UNC5D: variants seen among roughly 807,000 people sequenced by gnomAD.
UNC5D encodes the protein unc-5 netrin receptor D.
In UNC5D, 39 loss-of-function variants were observed where a neutral mutation model predicts 105.4. The ratio of observed to expected loss-of-function variants is 0.37; its 90% CI spans 0.29 to 0.48. The LOEUF is 0.48. UNC5D is among the 20% of genes least tolerant of loss of function. The probability of loss-of-function intolerance (pLI) is 0.98; values close to 1 mark genes in which losing one functional copy is unlikely to be tolerated. For missense variants in UNC5D, 991 were observed against 1,202.4 expected, an observed-to-expected ratio of 0.82 and a Z score of 2.60; for synonymous variants, 452 against 450.4, an observed-to-expected ratio of 1.00 and a Z score of -0.04.
intron 7 of UNC5D, among the ~76,000 whole-genome samples, chr8:35,688,056 C>T (rs1002623307): frequency 2.6e-5 from 4 of 151,670 alleles, no homozygotes; most frequent in South Asian, 4.2e-4. Flanking sequence ...GGCGTGAACC[C>T]GGGAGGCGGA....
intron 1 of UNC5D, among the ~76,000 whole-genome samples, chr8:35,259,882 A>G (rs1049730013): frequency 6.6e-6 from 1 of 152,070 alleles, no homozygotes; most frequent in Non-Finnish European, 1.5e-5. Flanking sequence ...ACATTTGGAA[A>G]GTGAAACTGT....
chr8:35,631,292 C>A (rs1239801752), intron 4 of UNC5D, among the ~76,000 whole-genome samples: 4 of 144,440 alleles, frequency 2.8e-5, no homozygotes. Flanking sequence ...CCAGCCTGGG[C>A]AACAGAGTGA....
chr8:35,368,215 T>G (rs10091590), intron 1 of UNC5D, among the ~76,000 whole-genome samples: 8,232 of 152,270 alleles, frequency 0.054, 268 homozygotes, highest in African/African-American at 0.092. Context: ...TTGAAAAATT[T>G]CAAACCTGTA....
intron 1 of UNC5D, among the ~76,000 whole-genome samples, chr8:35,488,340 A>G (rs1011686158): frequency 1.3e-5 from 2 of 152,196 alleles, no homozygotes; most frequent in African/African-American, 2.4e-5. Context: ...GGATGGGACA[A>G]TAGAGCTGTC....
intron 10 of UNC5D, among the ~76,000 whole-genome samples, 159 bp from the exon 11 acceptor site, chr8:35,730,853 C>T (rs916361579): frequency 6.6e-6 from 1 of 151,698 alleles, no homozygotes; most frequent in Admixed American, 6.6e-5. Flanking sequence ...AATGTTTTTC[C>T]TGTTATAATC....
chr8:35,262,286 G>T (rs909615827), intron 1 of UNC5D, among the ~76,000 whole-genome samples: 8 of 152,160 alleles, frequency 5.3e-5, no homozygotes, highest in African/African-American at 1.9e-4. Context: ...TCTGTTTCCA[G>T]TTAGCATGTA....
chr8:35,238,270 T>C (rs1292531803), intron 1 of UNC5D, among the ~76,000 whole-genome samples: 1 of 152,142 alleles, frequency 6.6e-6, no homozygotes, highest in Non-Finnish European at 1.5e-5. Flanking sequence ...TCCATACTTA[T>C]GTAGAAACCT....
chr8:35,588,867 C>T (rs1223169977), intron 3 of UNC5D, among the ~76,000 whole-genome samples: 1 of 152,076 alleles, frequency 6.6e-6, no homozygotes. Flanking sequence ...AAGGCAAAAC[C>T]CCGTCTCTAC....
At chr8:35,663,544 G>A (rs1442360194) in intron 4 of UNC5D, among the ~76,000 whole-genome samples, 3 of 152,184 alleles carry the variant, frequency 2.0e-5, no homozygotes, top group African/African-American at 7.2e-5. Context: ...CCATGTCTGA[G>A]AGTCTTTCTG....
chr8:35,597,902 C>G (rs919867546), intron 4 of UNC5D, among the ~76,000 whole-genome samples: 1 of 152,146 alleles, frequency 6.6e-6, no homozygotes, highest in African/African-American at 2.4e-5. Flanking sequence ...CAAGATTCAA[C>G]ATAATCTGGC....
Position 35,790,678 on chromosome 8 carries a change from C to A in UNC5D, c.*115C>A. 1 of 1,146,420 alleles carries A rather than the reference C, an allele frequency of 8.7e-7. No homozygotes were observed. The highest frequency in any genetic ancestry group is 1.3e-6 in the Non-Finnish European group (1 of 796,494). The allele number at this position is 1,146,420 out of a possible 1,614,324, so 71.0% of individuals were successfully genotyped here. A position where few individuals can be genotyped will look rare whatever the true frequency, so the allele number is the denominator to read the frequency against. On this transcript the variant is annotated 3_prime_UTR_variant, in exon 17 of 17. Coordinates refer to ENST00000404895, the MANE Select transcript of UNC5D (RefSeq NM_080872.4). ...GGGGAATTCAGCCTTCATTTATAATCAGTGAGATTCCCCTGTTGAAGAAAC... is the reference window on the plus strand; with the variant it reads ...GGGGAATTCAGCCTTCATTTATAATAAGTGAGATTCCCCTGTTGAAGAAAC...
chr8:35,705,229 G>T (rs981109118), intron 7 of UNC5D, among the ~76,000 whole-genome samples: 1 of 152,176 alleles, frequency 6.6e-6, no homozygotes, highest in Non-Finnish European at 1.5e-5. Flanking sequence ...CTCCCAAAGT[G>T]CTGGGATTAT....
chr8:35,317,418 C>T (rs1199229490), intron 1 of UNC5D, among the ~76,000 whole-genome samples: 3 of 152,076 alleles, frequency 2.0e-5, no homozygotes, highest in East Asian at 1.9e-4. Context: ...ATGGCTATTA[C>T]GAAAACATCT....
chr8:35,267,860 GT>G (rs1201519852), intron 1 of UNC5D, among the ~76,000 whole-genome samples: 4 of 152,064 alleles, frequency 2.6e-5, no homozygotes, highest in African/African-American at 9.7e-5. Flanking sequence ...ATTGTTCCAG[GT>G]TTGCTGACCT....
chr8:35,253,736 G>A (rs1276491041), intron 1 of UNC5D, among the ~76,000 whole-genome samples: 2 of 151,804 alleles, frequency 1.3e-5, no homozygotes, highest in East Asian at 1.9e-4. Flanking sequence ...TGATCCGCCC[G>A]CCTCGGCCTC....
At chr8:35,716,870 A>G (rs952982052) in intron 8 of UNC5D, among the ~76,000 whole-genome samples, 1 of 152,242 alleles carries the variant, frequency 6.6e-6, no homozygotes, top group African/African-American at 2.4e-5. Flanking sequence ...TGATGACAAC[A>G]TATATAAACA....
chr8:35,631,543 T>G (rs879764859), intron 4 of UNC5D, among the ~76,000 whole-genome samples: 1 of 152,204 alleles, frequency 6.6e-6, no homozygotes, highest in Non-Finnish European at 1.5e-5. Flanking sequence ...AAGCCTTATT[T>G]GTCTTTGTCA....
At chr8:35,572,224 G>A (rs1368965756) in intron 3 of UNC5D, among the ~76,000 whole-genome samples, 1 of 133,586 alleles carries the variant, frequency 7.5e-6, no homozygotes, top group Non-Finnish European at 1.6e-5. Flanking sequence ...GGAGGTGGAG[G>A]TTGTAGTGAG....
chr8:35,774,236 G>C (rs1802135656), intron 15 of UNC5D, 63 bp from the exon 16 acceptor site: 1 of 1,578,846 alleles, frequency 6.3e-7, no homozygotes, highest in Non-Finnish European at 8.6e-7. Flanking sequence ...CTTAAAAAAT[G>C]AAAGTGTTGG....
Sources: gnomAD v4.1 joint callset for allele counts (sites outside exome capture counted in the v4.1 genomes callset) on GRCh38, gnomAD v4.1.1 for gene constraint, MANE v1.5 for transcripts, NCBI Gene and HGNC (gene_info 2026-07-23, HGNC 2026-07-21) for gene names.